LRRC75A: variants seen among roughly 807,000 people sequenced by gnomAD.
LRRC75A encodes the protein leucine rich repeat containing 75A.
In LRRC75A, 12 loss-of-function variants were observed where a neutral mutation model predicts 26.0. That is an observed-to-expected ratio of 0.46 (90% confidence interval 0.30 to 0.75). LRRC75A has a LOEUF of 0.75. Among genes scored for constraint, LRRC75A ranks in the 30% least tolerant of loss-of-function variants. LRRC75A has a pLI of 0.08. For synonymous variants in LRRC75A, 223 were observed against 219.3 expected (o/e 1.02, Z -0.15); for missense variants, 410 against 486.6 (o/e 0.84, Z 1.48).
At chr17:16,487,003 G>T (rs1388132670) in intron 1 of LRRC75A, among the ~76,000 whole-genome samples, 2 of 152,174 alleles carry the variant, frequency 1.3e-5, no homozygotes, top group African/African-American at 2.4e-5. Context: ...CCATACAGTG[G>T]ATAACAGTGG....
At chr17:16,476,935 T>A (rs2093821844) in intron 1 of LRRC75A, among the ~76,000 whole-genome samples, 1 of 151,740 alleles carries the variant, frequency 6.6e-6, no homozygotes, top group Admixed American at 6.6e-5. Flanking sequence ...AGACGGGGTT[T>A]CACCGTGTTA....
chr17:16,447,678 TC>T lies in LRRC75A; in HGVS notation c.491+166del, dbSNP rs201558010. On this transcript the variant is annotated intron_variant, in intron 3 of 3. Coordinates refer to ENST00000470794, the MANE Select transcript of LRRC75A (RefSeq NM_001113567.3). ...CCCACCCACCAGACCAGGGTCCCCC[TC>T]TAGATGTTTCCCCACTCTGGAATCC... 5.7e-3 allele frequency among the ~76,000 whole-genome samples: 867 copies of T among 152,172 alleles called. 7 individuals carry two copies. The highest frequency in any genetic ancestry group is 0.021 in the Middle Eastern group (6 of 292).
At chr17:16,490,231 G>A (rs1225914375) in intron 1 of LRRC75A, among the ~76,000 whole-genome samples, 1 of 152,180 alleles carries the variant, frequency 6.6e-6, no homozygotes, top group Non-Finnish European at 1.5e-5. Context: ...GCAGGGTGGG[G>A]GAAACAGCAT....
chr17:16,489,831 T>C (rs2093853741), intron 1 of LRRC75A, among the ~76,000 whole-genome samples: 1 of 152,126 alleles, frequency 6.6e-6, no homozygotes, highest in Non-Finnish European at 1.5e-5. Context: ...ACCTGCTGCT[T>C]TCACAGAAAA....
In LRRC75A at chr17:16,462,479, C is replaced by T. The variant is rs746541503; in HGVS notation, c.247-93G>A. 21 of 1,530,474 alleles carry T rather than the reference C, an allele frequency of 1.4e-5. 1 individual carries two copies. The highest frequency in any genetic ancestry group is 3.5e-4 in the Middle Eastern group (2 of 5,646). The allele number at this position is 1,530,474 out of a possible 1,614,324, so 94.8% of individuals were successfully genotyped here. On this transcript the variant is annotated intron_variant, in intron 1 of 3. Coordinates refer to ENST00000470794, the MANE Select transcript of LRRC75A (RefSeq NM_001113567.3). The surrounding 1 kb of genome is among the most constrained non-coding windows in gnomAD (Gnocchi z 4.6). The stretch of plus-strand genomic sequence containing the variant: ...AGAAGTAGGCACAGACCCCTAGAGG[C>T]GACTCTGCCTCCCAGAGCCCCGGTG...
rs549771510 is a variant in LRRC75A, at chr17:16,485,028, G to C, written c.246+6717C>G. Among the ~76,000 whole-genome samples the C allele has an allele frequency of 1.1e-4, 17 of 151,924 alleles. No homozygotes were observed. The South Asian group carries it at 3.5e-3, about 32-fold the overall frequency. On this transcript the variant is annotated intron_variant, in intron 1 of 3. Transcript: ENST00000470794. ...CCACGTGGGCACTGCTCAGGGCCGGGTGGGGGTAGGGAGGAGAGCAGGCAC... is the reference window on the plus strand; with the variant it reads ...CCACGTGGGCACTGCTCAGGGCCGGCTGGGGGTAGGGAGGAGAGCAGGCAC...
chr17:16,445,943 CTG>C (rs1346230809), intron 3 of LRRC75A, among the ~76,000 whole-genome samples: 2 of 152,186 alleles, frequency 1.3e-5, no homozygotes, highest in Non-Finnish European at 2.9e-5. Context: ...GAGTCTCACT[CTG>C]TTGCCCAGGC....
intron 1 of LRRC75A, among the ~76,000 whole-genome samples, chr17:16,484,452 G>C (rs946029834): frequency 6.6e-6 from 1 of 152,196 alleles, no homozygotes; most frequent in Non-Finnish European, 1.5e-5. Flanking sequence ...TTGGGGAGGT[G>C]TCCCTAATGC....
At chr17:16,456,665 C>T (rs994638820) in intron 2 of LRRC75A, among the ~76,000 whole-genome samples, 3 of 152,006 alleles carry the variant, frequency 2.0e-5, no homozygotes, top group African/African-American at 4.8e-5. Flanking sequence ...GGTAGAGCAG[C>T]GAGGAGGGAA....
chr17:16,468,199 A>G (rs1165757919), intron 1 of LRRC75A, among the ~76,000 whole-genome samples: 3 of 152,324 alleles, frequency 2.0e-5, no homozygotes, highest in East Asian at 1.9e-4. Context: ...TGATCCAGCA[A>G]TTCCACTCTT....
At position 16,443,490 on chromosome 17, in the gene LRRC75A, A is replaced by G; in HGVS notation, c.*98T>C. ...TGGGTGGCCCAGGCCAATTTTTGGC[A>G]ATATCCTTAACCCACCTGATAGGAG... is the stretch of plus-strand genomic sequence containing the variant. On this transcript the variant is annotated 3_prime_UTR_variant, in exon 4 of 4. Transcript: ENST00000470794. 4 of 1,204,492 alleles carry G rather than the reference A, an allele frequency of 3.3e-6. No homozygotes were observed. In the East Asian group the frequency reaches 1.0e-4, roughly 31 times the overall value. 74.6% of individuals were successfully genotyped at this position (1,204,492 alleles called of 1,614,324 possible).
intron 1 of LRRC75A, among the ~76,000 whole-genome samples, chr17:16,475,437 G>A (rs74423909): frequency 0.014 from 2,163 of 152,296 alleles, 42 homozygotes; most frequent in African/African-American, 0.049. Context: ...GAAGGAGCTG[G>A]CAGTGCTGTC....
chr17:16,461,395 GA>G (rs1280136747), intron 2 of LRRC75A: 1 of 152,480 alleles, frequency 6.6e-6, no homozygotes, highest in Non-Finnish European at 1.5e-5. Flanking sequence ...GGATGAGACA[GA>G]AAAAAACCAA....
At chr17:16,476,990 G>C (rs957382640) in intron 1 of LRRC75A, among the ~76,000 whole-genome samples, 4 of 151,346 alleles carry the variant, frequency 2.6e-5, no homozygotes, top group South Asian at 4.2e-4. Context: ...CGCCCGCCTT[G>C]GCCTCCCAAA....
At chr17:16,476,208 A>AATC (rs1297781557) in intron 1 of LRRC75A, among the ~76,000 whole-genome samples, 1 of 148,822 alleles carries the variant, frequency 6.7e-6, no homozygotes, top group Non-Finnish European at 1.5e-5. Context: ...TAATAATAAT[A>AATC]ATAATAAAAA....
chr17:16,479,059 G>C (rs1216278112), intron 1 of LRRC75A, among the ~76,000 whole-genome samples: 1 of 152,172 alleles, frequency 6.6e-6, no homozygotes, highest in Non-Finnish European at 1.5e-5. Flanking sequence ...GCAGGGTCCG[G>C]GGCTCATGGA....
Position 16,491,888 on chromosome 17 carries a change from G to A in LRRC75A, c.103C>T (p.Leu35=). The change falls in exon 1 of 4, where the codon CTG becomes TTG. Residue 35 remains leucine (L), a synonymous_variant. Transcript: ENST00000470794. This position sits in a 1 kb window ranked among gnomAD's most constrained non-coding sequence, Gnocchi z 5.9. ...CGCCCCGCCTTGTCCCCGGCGCGCA[G>A]CAGCAGCGACGCCCAGAAGTCCGGC... ...ERPDFWASLL[L]RAGDKAGRAG... is the part of the protein sequence containing the mutation. 1 of 1,336,172 alleles carries A rather than the reference G, an allele frequency of 7.5e-7. No individual in the cohort carries two copies. The highest frequency in any genetic ancestry group is 9.6e-7 in the Non-Finnish European group (1 of 1,042,858). The allele number at this position is 1,336,172 out of a possible 1,614,324, so 82.8% of individuals were successfully genotyped here.
At chr17:16,482,654 G>C (rs1011136883) in intron 1 of LRRC75A, among the ~76,000 whole-genome samples, 1 of 152,240 alleles carries the variant, frequency 6.6e-6, no homozygotes, top group African/African-American at 2.4e-5. Flanking sequence ...GCCGTGCCCT[G>C]CACCTGTGTA....
intron 1 of LRRC75A, among the ~76,000 whole-genome samples, chr17:16,479,455 A>T (rs2093828476): frequency 6.6e-6 from 1 of 152,234 alleles, no homozygotes; most frequent in African/African-American, 2.4e-5. Flanking sequence ...TGTGCAGGGC[A>T]TGTACTGCAC....
Sources: gnomAD v4.1 joint callset for allele counts (sites outside exome capture counted in the v4.1 genomes callset) on GRCh38, gnomAD v4.1.1 for gene constraint, Gnocchi (gnomAD v3.1) non-coding constraint, MANE v1.5 for transcripts, NCBI Gene and HGNC (gene_info 2026-07-23, HGNC 2026-07-21) for gene names.